The following CDC42BPB variants were observed in gnomAD, a reference collection of about 807,000 sequenced individuals.
CDC42BPB encodes serine/threonine-protein kinase MRCK beta.
CDC42BPB carries 37 observed loss-of-function variants against 214.9 expected under a neutral mutation model. The observed-to-expected ratio is 0.17, with a 90% CI of 0.13 to 0.23. CDC42BPB has a LOEUF of 0.23. Ranked by LOEUF, CDC42BPB falls within the 10% of genes least tolerant of loss-of-function variation. The probability of loss-of-function intolerance (pLI) is 1.00; values close to 1 mark genes in which losing one functional copy is unlikely to be tolerated. For missense variants in CDC42BPB, 1,694 were observed against 2,227.0 expected (o/e 0.76, Z 4.82); for synonymous variants, 931 against 884.0 (o/e 1.05, Z -0.94).
At chr14:103,038,944 GA>G (rs1485901722) in intron 1 of CDC42BPB, among the ~76,000 whole-genome samples, 1 of 152,026 alleles carries the variant, frequency 6.6e-6, no homozygotes, top group African/African-American at 2.4e-5. Context: ...TAAAAGAAGG[GA>G]CACTACTGAC....
intron 11 of CDC42BPB, 106 bp from the exon 12 acceptor site, chr14:102,974,255 C>T (rs376684104): frequency 6.7e-7 from 1 of 1,501,978 alleles, no homozygotes; most frequent in Non-Finnish European, 8.8e-7. Flanking sequence ...ATTCACAACA[C>T]TTTTTCATTC....
At chr14:102,970,343 A>G in intron 13 of CDC42BPB, 82 bp from the exon 14 acceptor site, 2 of 1,520,234 alleles carry the variant, frequency 1.3e-6, no homozygotes, top group Non-Finnish European at 1.8e-6. Context: ...GGACCTCCAC[A>G]AGAACAAGAC....
Position 102,959,648 on chromosome 14 carries a change from G to A in CDC42BPB, c.2884C>T (p.His962Tyr). 1.9e-6 allele frequency: 3 copies of A among 1,606,538 alleles called. No homozygotes were observed. The highest frequency in any genetic ancestry group is 1.7e-6 in the Non-Finnish European group (2 of 1,175,488). ...FEYFNTAPLA[H>Y]DLTFRTSSAS... Reference sequence around the variant, plus strand: ...TGACTTACTCTAAATGTCAGGTCATGTGCAAGAGGAGCAGTGTTGAAATAC... The same window carrying A: ...TGACTTACTCTAAATGTCAGGTCATATGCAAGAGGAGCAGTGTTGAAATAC... Residue 962 changes from histidine (H) to tyrosine (Y), a missense_variant, in exon 21 of 37, where the codon CAT becomes TAT. Around this residue, in one of 7 missense-constraint regions of CDC42BPB, gnomAD observed 156 missense variants for 154.5 expected, o/e 1.01. Coordinates refer to ENST00000361246, the MANE Select transcript of CDC42BPB (RefSeq NM_006035.4).
At chr14:103,054,327 G>A (rs1888819150) in intron 1 of CDC42BPB, among the ~76,000 whole-genome samples, 1 of 152,192 alleles carries the variant, frequency 6.6e-6, no homozygotes. Context: ...GATTTGGGAA[G>A]TGGGGAAAGG....
intron 24 of CDC42BPB, among the ~76,000 whole-genome samples, chr14:102,951,546 T>C (rs1458979674): frequency 6.6e-6 from 1 of 152,084 alleles, no homozygotes; most frequent in Admixed American, 6.5e-5. Context: ...CCCAGCACTT[T>C]GGGAGGCCGA....
intron 8 of CDC42BPB, among the ~76,000 whole-genome samples, chr14:102,978,924 T>C (rs1223376868): frequency 6.6e-6 from 1 of 152,140 alleles, no homozygotes; most frequent in African/African-American, 2.4e-5. Flanking sequence ...CGAGACTTGA[T>C]TGAATATGGG....
chr14:103,044,924 G>A (rs1888208413), intron 1 of CDC42BPB, among the ~76,000 whole-genome samples: 1 of 151,650 alleles, frequency 6.6e-6, no homozygotes. Flanking sequence ...GATGGGTCAG[G>A]TGTGGTGGCT....
At chr14:103,046,138 G>T (rs1326288495) in intron 1 of CDC42BPB, among the ~76,000 whole-genome samples, 2 of 152,054 alleles carry the variant, frequency 1.3e-5, no homozygotes, top group African/African-American at 4.8e-5. Flanking sequence ...AAGTCTGTGG[G>T]AGAAGCAGTC....
intron 24 of CDC42BPB, among the ~76,000 whole-genome samples, chr14:102,952,230 G>T (rs1257917463): frequency 6.6e-6 from 1 of 152,184 alleles, no homozygotes; most frequent in Non-Finnish European, 1.5e-5. Flanking sequence ...TGGTGTGTGT[G>T]TCTGAGGTCT....
chr14:103,025,090 T>C (rs1374330646), intron 1 of CDC42BPB, among the ~76,000 whole-genome samples: 3 of 152,218 alleles, frequency 2.0e-5, no homozygotes, highest in Non-Finnish European at 2.9e-5. Flanking sequence ...CACAGTAAAA[T>C]ACCAGCTGCT....
chr14:103,008,759 C>T (rs577788599), intron 2 of CDC42BPB: 15 of 838,662 alleles, frequency 1.8e-5, no homozygotes, highest in East Asian at 1.2e-4. Flanking sequence ...ACGTGGGCTC[C>T]GGAGTTTCAC....
At position 102,972,011 on chromosome 14, in the gene CDC42BPB, G is replaced by A; in HGVS notation, c.1792C>T (p.Leu598=). ...RAQKQKVSRQ[L]RDKEEEMEVA... ...TCCATCTCCTCCTCCTTGTCTCGCA[G>A]CTGCCGGGACACCTTCTGCTTCTGG... Residue 598 remains leucine (L), a synonymous_variant, in exon 13 of 37, where the codon CTG becomes TTG. Coordinates refer to ENST00000361246, the MANE Select transcript of CDC42BPB (RefSeq NM_006035.4). 6.2e-7 allele frequency: 1 copy of A among 1,614,206 alleles called. No individual in the cohort carries two copies. Among genetic ancestry groups the A allele is most frequent in the Non-Finnish European group, 8.5e-7 (1 of 1,180,036 alleles).
At position 102,956,763 on chromosome 14, in the gene CDC42BPB, AG is replaced by A. The variant is rs575889964; in HGVS notation, c.2902-2076del. On this transcript the variant is annotated intron_variant, in intron 21 of 36. Transcript: ENST00000361246. ...AGAATCGCTTGAGCCCAGGAGTTTGAGGTTGCAGTGAGCTATGATGGTGGCA... is the reference window on the plus strand; with the variant it reads ...AGAATCGCTTGAGCCCAGGAGTTTGAGTTGCAGTGAGCTATGATGGTGGCA... 7.7e-4 allele frequency among the ~76,000 whole-genome samples: 117 copies of A among 152,300 alleles called. 1 individual carries two copies. Among genetic ancestry groups the A allele is most frequent in the African/African-American group, 2.6e-3 (110 of 41,562 alleles).
chr14:102,939,487 A>C, intron 34 of CDC42BPB, 123 bp downstream of exon 34: 1 of 705,200 alleles, frequency 1.4e-6, no homozygotes. Flanking sequence ...CAGGAGCGCC[A>C]GGTCAGAGCA....
In CDC42BPB at chr14:103,045,523, T is replaced by C. The variant is rs762725841; in HGVS notation, c.175+11476A>G. Among the ~76,000 whole-genome samples, 13 of 152,214 alleles carry C rather than the reference T, an allele frequency of 8.5e-5. No individual in the cohort carries two copies. The East Asian group carries it at 1.9e-3, about 23-fold the overall frequency. ...GAGCAGGCGCTGTCCAGCCACCGTA[T>C]TTCCACTTTCAACACTTCCTTCAGG... On this transcript the variant is annotated intron_variant, in intron 1 of 36. Coordinates refer to ENST00000361246, the MANE Select transcript of CDC42BPB (RefSeq NM_006035.4).
intron 36 of CDC42BPB, among the ~76,000 whole-genome samples, chr14:102,934,577 T>G (rs563153669): frequency 2.0e-5 from 3 of 152,072 alleles, no homozygotes; most frequent in Admixed American, 2.0e-4. Flanking sequence ...CCGGGCACAG[T>G]GGTGCGCACC....
At chr14:103,053,692 G>A (rs1246760289) in intron 1 of CDC42BPB, among the ~76,000 whole-genome samples, 1 of 150,578 alleles carries the variant, frequency 6.6e-6, no homozygotes, top group South Asian at 2.1e-4. Context: ...AACCCGGGAG[G>A]CAGAGCTTGC....
Position 103,042,029 on chromosome 14 carries a change from G to A in CDC42BPB, c.175+14970C>T, listed in dbSNP as rs35951448. The A allele has an allele frequency of 3.4e-3, 733 of 216,818 alleles. 7 individuals are homozygous for A. Among genetic ancestry groups the A allele is most frequent in the African/African-American group, 0.016 (699 of 43,124 alleles). The allele number at this position is 216,818 out of a possible 1,614,324, so 13.4% of individuals were successfully genotyped here. A position where few individuals can be genotyped will look rare whatever the true frequency, so the allele number is the denominator to read the frequency against. On this transcript the variant is annotated intron_variant, in intron 1 of 36. Transcript: ENST00000361246. Reference sequence around the variant, plus strand: ...CTCCACATGGTCCATGCTGACGCCCGGCTCTTTGGCATACCGGCAAAGAGA... The same window carrying A: ...CTCCACATGGTCCATGCTGACGCCCAGCTCTTTGGCATACCGGCAAAGAGA...
chr14:102,993,229 G>A (rs766586125), intron 5 of CDC42BPB, among the ~76,000 whole-genome samples: 4 of 151,926 alleles, frequency 2.6e-5, no homozygotes, highest in Admixed American at 6.6e-5. Flanking sequence ...TGCTTCAGAG[G>A]AACAAATTCT....
Sources: allele counts gnomAD v4.1 joint callset (sites outside exome capture counted in the v4.1 genomes callset), GRCh38; gene constraint gnomAD v4.1.1; regional missense constraint gnomAD v4.1.1; transcripts MANE v1.5; gene names NCBI Gene and HGNC (gene_info 2026-07-23, HGNC 2026-07-21).